Variants in BDP1 observed in about 807,000 individuals in gnomAD.
The protein encoded by BDP1 is BDP1 general transcription factor IIIB subunit.
A neutral mutation model predicts 266.6 loss-of-function variants in BDP1; 169 were observed. The ratio of observed to expected loss-of-function variants is 0.63; its 90% confidence interval spans 0.56 to 0.72. BDP1 has a LOEUF of 0.72. BDP1 is among the 30% of genes least tolerant of loss of function. The pLI is 0.00. For missense variants in BDP1, 3,015 were observed against 3,053.8 expected (o/e 0.99, Z 0.30); for synonymous variants, 1,090 against 1,022.4 (o/e 1.07, Z -1.26).
chr5:71,516,108 T>C lies in BDP1; in HGVS notation c.4697T>C (p.Ile1566Thr), dbSNP rs1351438615. The C allele has an allele frequency of 1.7e-5, 27 of 1,611,570 alleles. No homozygotes were observed. The highest frequency in any genetic ancestry group is 2.2e-5 in the Non-Finnish European group (26 of 1,178,676). ...TFQQEMKESV[I>T]QTARQVRGRL... ...CAGCAAGAAATGAAGGAAAGTGTTA[T>C]CCAAACTGCTCGACAAGTAAGGGGC... The change falls in exon 21 of 39, where the codon ATC (isoleucine) becomes ACC (threonine). Residue 1566 changes from isoleucine to threonine, a missense_variant. Coordinates refer to ENST00000358731, the MANE Select transcript of BDP1 (RefSeq NM_018429.3).
intron 17 of BDP1, 112 bp from the exon 18 acceptor site, chr5:71,512,129 C>A: frequency 1.9e-6 from 1 of 526,596 alleles, no homozygotes; most frequent in Non-Finnish European, 3.1e-6. Flanking sequence ...AAATTAAAAA[C>A]TTCTAAAGTT....
chr5:71,474,463 A>G (rs910965696), intron 7 of BDP1, among the ~76,000 whole-genome samples: 1 of 151,798 alleles, frequency 6.6e-6, no homozygotes, highest in Non-Finnish European at 1.5e-5. Context: ...TTGGGACTAT[A>G]GGTGCACACC....
intron 32 of BDP1, among the ~76,000 whole-genome samples, chr5:71,546,838 T>C (rs1339668782): frequency 7.7e-6 from 1 of 130,570 alleles, no homozygotes; most frequent in Non-Finnish European, 1.7e-5. Context: ...GTCCCAATCA[T>C]GTCCATTATA....
intron 5 of BDP1, 45 bp from the exon 6 acceptor site, chr5:71,467,309 T>C: frequency 6.8e-7 from 1 of 1,470,744 alleles, no homozygotes; most frequent in South Asian, 1.2e-5. Context: ...GCTATTTGTT[T>C]CCTTGTTTTT....
At chr5:71,456,622 T>C (rs762204164) in intron 1 of BDP1, among the ~76,000 whole-genome samples, 3 of 152,210 alleles carry the variant, frequency 2.0e-5, no homozygotes, top group Non-Finnish European at 4.4e-5. Context: ...GTATCATATT[T>C]GGATTCAGGA....
At position 71,567,227 on chromosome 5, in the gene BDP1, T is replaced by G. The variant is rs1171882282; in HGVS notation, c.*2342T>G. 1 of 152,220 alleles carries G rather than the reference T, an allele frequency of 6.6e-6. No homozygotes were observed. Among genetic ancestry groups the G allele is most frequent in the African/African-American group, 2.4e-5 (1 of 41,458 alleles). 9.4% of individuals were successfully genotyped at this position (152,220 alleles called of 1,614,324 possible). ...GAGTTAGATTGCCATGATTAAACTA[T>G]TATTTATCCTTGTGTAATATTAGTT... On this transcript the variant is annotated 3_prime_UTR_variant, in exon 39 of 39. Coordinates refer to ENST00000358731, the MANE Select transcript of BDP1 (RefSeq NM_018429.3).
At chr5:71,524,364 G>T in intron 25 of BDP1, 41 bp downstream of exon 25, 2 of 1,520,868 alleles carry the variant, frequency 1.3e-6, no homozygotes, top group South Asian at 1.3e-5. Flanking sequence ...TATCTTACTT[G>T]GTTTTCACCT....
intron 8 of BDP1, among the ~76,000 whole-genome samples, chr5:71,485,063 A>G (rs531676041): frequency 6.6e-6 from 1 of 152,324 alleles, no homozygotes; most frequent in African/African-American, 2.4e-5. Flanking sequence ...GTAACACATT[A>G]TAGTCAGAAA....
At position 71,522,374 on chromosome 5, in the gene BDP1, C is replaced by T; in HGVS notation, c.5077C>T (p.His1693Tyr). 6.2e-7 allele frequency: 1 copy of T among 1,613,414 alleles called. No individual in the cohort carries two copies. Among genetic ancestry groups the T allele is most frequent in the Admixed American group, 1.7e-5 (1 of 59,936 alleles). The change falls in exon 23 of 39, where the codon CAC becomes TAC. Residue 1693 changes from histidine (H) to tyrosine (Y), a missense_variant. His to Tyr is a moderately conservative substitution (Grantham distance 83, BLOSUM62 2). Transcript: ENST00000358731. ...GGCTAAGCCAAATTTGGGAAGAGCACACAGTAAGAAAGAGGAACCAGTTTT... is the reference window on the plus strand; with the variant it reads ...GGCTAAGCCAAATTTGGGAAGAGCATACAGTAAGAAAGAGGAACCAGTTTT... ...QKAKPNLGRA[H>Y]SKKEEPVLEK...
Position 71,489,690 on chromosome 5 carries a change from T to C in BDP1, c.1492+8T>C, listed in dbSNP as rs1300330022. ...AAGGAGAAAAACACAAGAGTAAGTT[T>C]CTTACATATTTAAAAAGCCTCTATA... On this transcript the variant is annotated splice_region_variant and intron_variant, in intron 10 of 38. Transcript: ENST00000358731. 6.3e-7 allele frequency: 1 copy of C among 1,587,750 alleles called. No homozygotes were observed. Among genetic ancestry groups the C allele is most frequent in the East Asian group, 2.2e-5 (1 of 44,796 alleles).
At position 71,467,631 on chromosome 5, in the gene BDP1, G is replaced by A. The variant is rs1325952709; in HGVS notation, c.919+144G>A. On this transcript the variant is annotated intron_variant, in intron 6 of 38. Transcript: ENST00000358731. ...AATTTTATTGACACCTCTATCTTATGCCCTCCATGGAATGGTATCTCTGAC... is the reference window on the plus strand; with the variant it reads ...AATTTTATTGACACCTCTATCTTATACCCTCCATGGAATGGTATCTCTGAC... 11 of 692,178 alleles carry A rather than the reference G, an allele frequency of 1.6e-5. 1 individual carries two copies. The East Asian group carries it at 2.9e-4, about 18-fold the overall frequency. The allele number at this position is 692,178 out of a possible 1,614,324, so 42.9% of individuals were successfully genotyped here. A position where few individuals can be genotyped will look rare whatever the true frequency, so the allele number is the denominator to read the frequency against.
intron 4 of BDP1, among the ~76,000 whole-genome samples, chr5:71,464,527 T>A (rs1006014996): frequency 2.0e-5 from 3 of 151,862 alleles, no homozygotes; most frequent in African/African-American, 7.3e-5. Context: ...TGGGCTATTG[T>A]TTTTGTAATT....
intron 32 of BDP1, chr5:71,545,513 G>A (rs1742217870): frequency 5.6e-6 from 2 of 358,514 alleles, no homozygotes; most frequent in South Asian, 7.8e-5. Context: ...TGTATTTTTA[G>A]TAGAGACGGG....
In BDP1 at chr5:71,541,475, A is replaced by G. The variant is rs1453163242; in HGVS notation, c.6044A>G (p.His2015Arg). Residue 2015 changes from histidine to arginine, a missense_variant, in exon 29 of 39, where the codon CAT becomes CGT. Transcript: ENST00000358731. ...QGDVGVCIIP[H>R]VHSKDKSHIP... ...TCAGTAGGAGTATGTATAATTCCTC[A>G]TGTTCATTCAAAGGATAAAAGCCAT... The G allele has an allele frequency of 6.5e-7, 1 of 1,540,572 alleles. No homozygotes were observed. The highest frequency in any genetic ancestry group is 8.9e-7 in the Non-Finnish European group (1 of 1,128,292).
intron 16 of BDP1, among the ~76,000 whole-genome samples, chr5:71,505,259 G>A (rs1435896870): frequency 6.6e-6 from 1 of 152,036 alleles, no homozygotes; most frequent in Non-Finnish European, 1.5e-5. Context: ...CACCTGTCTC[G>A]GCCTCCTAAA....
chr5:71,536,921 G>C (rs372106273), intron 26 of BDP1, among the ~76,000 whole-genome samples: 1 of 152,192 alleles, frequency 6.6e-6, no homozygotes, highest in South Asian at 2.1e-4. Context: ...AAGGTCAGGA[G>C]TTTGAGACCA....
intron 6 of BDP1, 38 bp from the exon 7 acceptor site, chr5:71,470,357 A>G: frequency 3.6e-6 from 5 of 1,380,816 alleles, no homozygotes; most frequent in Non-Finnish European, 5.1e-6. Context: ...TATTGATATA[A>G]TTAATTTTCA....
chr5:71,552,567 C>T (rs1175559822), intron 34 of BDP1, among the ~76,000 whole-genome samples: 8 of 152,372 alleles, frequency 5.3e-5, no homozygotes, highest in Middle Eastern at 3.4e-3. Flanking sequence ...TCTGCAATCC[C>T]GGCACGTCGG....
At chr5:71,476,603 C>T (rs1004382443) in intron 7 of BDP1, among the ~76,000 whole-genome samples, 3 of 151,964 alleles carry the variant, frequency 2.0e-5, no homozygotes, top group South Asian at 4.2e-4. Context: ...TGCAGTGGCA[C>T]GATCTCAGTT....
Sources: gnomAD v4.1 joint callset for allele counts (sites outside exome capture counted in the v4.1 genomes callset) on GRCh38, gnomAD v4.1.1 for gene constraint, MANE v1.5 for transcripts, NCBI Gene and HGNC (gene_info 2026-07-23, HGNC 2026-07-21) for gene names.